Variants in RCAN2 observed in about 807,000 individuals in gnomAD.
The protein encoded by RCAN2 is regulator of calcineurin 2.
Under a neutral mutation model 23.6 loss-of-function variants are expected in RCAN2, and 9 were observed. That is an observed-to-expected ratio of 0.38 (90% CI 0.23 to 0.67). RCAN2 has a LOEUF of 0.67. RCAN2 is among the 30% of genes least tolerant of loss of function. The probability of loss-of-function intolerance (pLI) is 0.51; values close to 1 mark genes in which losing one functional copy is unlikely to be tolerated. For missense variants in RCAN2, 273 were observed against 302.3 expected, an observed-to-expected ratio of 0.90 and a Z score of 0.72; for synonymous variants, 109 against 115.7, an observed-to-expected ratio of 0.94 and a Z score of 0.37.
intron 4 of RCAN2, among the ~76,000 whole-genome samples, chr6:46,246,331 C>T (rs549636552): frequency 6.6e-6 from 1 of 152,062 alleles, no homozygotes; most frequent in Non-Finnish European, 1.5e-5. Flanking sequence ...ACAAGGGGTT[C>T]CTGAGTGTGT....
At chr6:46,451,543 T>C (rs1280504076) in intron 2 of RCAN2, among the ~76,000 whole-genome samples, 4 of 152,268 alleles carry the variant, frequency 2.6e-5, no homozygotes, top group East Asian at 3.9e-4. Flanking sequence ...AAGTTCAAAG[T>C]AAACATCGAC....
At chr6:46,414,940 G>A (rs1396981133) in intron 2 of RCAN2, among the ~76,000 whole-genome samples, 3 of 152,208 alleles carry the variant, frequency 2.0e-5, no homozygotes, top group Non-Finnish European at 2.9e-5. Context: ...GAGAAGTGAA[G>A]AGAATGTGCC....
At chr6:46,472,031 G>A (rs964501398) in intron 1 of RCAN2, among the ~76,000 whole-genome samples, 1 of 152,172 alleles carries the variant, frequency 6.6e-6, no homozygotes, top group African/African-American at 2.4e-5. Flanking sequence ...GGAAGTGGGT[G>A]GAGAACAGGA....
At chr6:46,455,102 T>C (rs1025820351) in intron 2 of RCAN2, among the ~76,000 whole-genome samples, 1 of 151,616 alleles carries the variant, frequency 6.6e-6, no homozygotes, top group South Asian at 2.1e-4. Flanking sequence ...TTATGGCAGG[T>C]ATATTTCAGA....
chr6:46,474,107 A>G (rs981934838), intron 1 of RCAN2, among the ~76,000 whole-genome samples: 2 of 152,090 alleles, frequency 1.3e-5, no homozygotes, highest in East Asian at 3.9e-4. Context: ...TGGGGACTCA[A>G]AGGAGAAAGG....
At chr6:46,405,721 G>C (rs535044927) in intron 2 of RCAN2, among the ~76,000 whole-genome samples, 1 of 152,252 alleles carries the variant, frequency 6.6e-6, no homozygotes, top group Non-Finnish European at 1.5e-5. Flanking sequence ...ATCTCGCACC[G>C]GGGCTGCAGG....
intron 2 of RCAN2, among the ~76,000 whole-genome samples, chr6:46,295,565 TGTCTACCAGA>T (rs1762700677): frequency 6.6e-6 from 1 of 152,032 alleles, no homozygotes; most frequent in African/African-American, 2.4e-5. Context: ...GAATGCAAAG[TGTCTACCAGA>T]GTTGGCAGGA....
chr6:46,329,495 T>C (rs1028954325), intron 2 of RCAN2, among the ~76,000 whole-genome samples: 16 of 152,198 alleles, frequency 1.1e-4, no homozygotes, highest in Admixed American at 1.0e-3. Context: ...GCTAGAAGGA[T>C]GCCTGACACT....
At chr6:46,434,949 A>T (rs1338651093) in intron 2 of RCAN2, among the ~76,000 whole-genome samples, 1 of 152,218 alleles carries the variant, frequency 6.6e-6, no homozygotes, top group African/African-American at 2.4e-5. Context: ...AGAAACCCTG[A>T]ATGAGATTGT....
chr6:46,223,390 A>G (rs1161954084), intron 4 of RCAN2, 89 bp from the exon 5 acceptor site: 1 of 1,244,852 alleles, frequency 8.0e-7, no homozygotes, highest in East Asian at 2.3e-5. Flanking sequence ...TGACAGGAGC[A>G]TTTTCCAGGG....
At chr6:46,226,003 T>C (rs1317757296) in intron 4 of RCAN2, among the ~76,000 whole-genome samples, 1 of 152,242 alleles carries the variant, frequency 6.6e-6, no homozygotes, top group Non-Finnish European at 1.5e-5. Flanking sequence ...TTTCTACATA[T>C]GGCTAGCCAG....
At chr6:46,254,940 G>T (rs553144701) in intron 2 of RCAN2, among the ~76,000 whole-genome samples, 11 of 152,312 alleles carry the variant, frequency 7.2e-5, no homozygotes, top group African/African-American at 2.6e-4. Flanking sequence ...CAAACCACCA[G>T]AAGCTAGGAA....
At chr6:46,399,859 C>A (rs1029642395) in intron 2 of RCAN2, among the ~76,000 whole-genome samples, 8 of 152,014 alleles carry the variant, frequency 5.3e-5, no homozygotes, top group Admixed American at 2.0e-4. Context: ...TGCAAAGACC[C>A]TTTTTCCAAA....
At chr6:46,384,051 C>G (rs1276075118) in intron 2 of RCAN2, among the ~76,000 whole-genome samples, 1 of 152,168 alleles carries the variant, frequency 6.6e-6, no homozygotes, top group East Asian at 1.9e-4. Flanking sequence ...CAGGAGGGAT[C>G]CCGCGCAGTA....
At position 46,475,990 on chromosome 6, in the gene RCAN2, G is replaced by A. The variant is rs140995820; in HGVS notation, c.-3+15183C>T. Among the ~76,000 whole-genome samples, 676 of 152,244 alleles carry A rather than the reference G, an allele frequency of 4.4e-3. 4 individuals carry two copies. The highest frequency in any genetic ancestry group is 0.011 in the South Asian group (53 of 4,824). The stretch of plus-strand genomic sequence containing the variant: ...TTTGAAGCCAAAGATGGAACATGTA[G>A]GTGGACTAAGTAACACTGGTGAAGA... On this transcript the variant is annotated intron_variant, in intron 1 of 4. Coordinates refer to ENST00000371374, the MANE Select transcript of RCAN2 (RefSeq NM_001251974.2).
intron 2 of RCAN2, among the ~76,000 whole-genome samples, chr6:46,325,224 C>T (rs1307317109): frequency 6.6e-6 from 1 of 152,268 alleles, no homozygotes; most frequent in Admixed American, 6.5e-5. Flanking sequence ...ATGCTGGTCC[C>T]TCTTCCAACT....
intron 2 of RCAN2, among the ~76,000 whole-genome samples, chr6:46,349,843 A>G (rs1007934279): frequency 6.6e-6 from 1 of 152,172 alleles, no homozygotes; most frequent in African/African-American, 2.4e-5. Context: ...AATTCCACAC[A>G]GAAGCCAGGA....
At chr6:46,397,372 A>ACACACACAC in intron 2 of RCAN2, among the ~76,000 whole-genome samples, 1 of 146,240 alleles carries the variant, frequency 6.8e-6, no homozygotes, top group South Asian at 2.2e-4. Flanking sequence ...ATTTCACAGA[A>ACACACACAC]ACACACACAC....
chr6:46,422,362 T>C (rs979127847), intron 2 of RCAN2, among the ~76,000 whole-genome samples: 1 of 152,198 alleles, frequency 6.6e-6, no homozygotes, highest in African/African-American at 2.4e-5. Flanking sequence ...ATGCTTCCTA[T>C]ACAGCCTGCA....
Sources: gnomAD v4.1 joint callset for allele counts (sites outside exome capture counted in the v4.1 genomes callset) on GRCh38, gnomAD v4.1.1 for gene constraint, MANE v1.5 for transcripts, NCBI Gene and HGNC (gene_info 2026-07-23, HGNC 2026-07-21) for gene names.